The following ASIC2 variants were observed in gnomAD, a reference collection of about 807,000 sequenced individuals.
ASIC2 encodes the protein acid sensing ion channel subunit 2.
A neutral mutation model predicts 57.3 loss-of-function variants in ASIC2; 25 were observed. The ratio of observed to expected loss-of-function variants is 0.44; its 90% CI spans 0.32 to 0.61. The LOEUF (loss-of-function observed/expected upper bound fraction) is 0.61. ASIC2 is among the 20% of genes least tolerant of loss of function. The pLI is 0.06. For missense variants in ASIC2, 641 were observed against 738.1 expected, an observed-to-expected ratio of 0.87 and a Z score of 1.52; for synonymous variants, 319 against 307.5, an observed-to-expected ratio of 1.04 and a Z score of -0.39.
chr17:33,826,408 A>T (rs1039083794), intron 1 of ASIC2, among the ~76,000 whole-genome samples: 1 of 152,216 alleles, frequency 6.6e-6, no homozygotes, highest in African/African-American at 2.4e-5. Context: ...AATCAGGGCT[A>T]TAGCAACTCC....
chr17:33,666,523 C>T (rs150518009), intron 1 of ASIC2, among the ~76,000 whole-genome samples: 1 of 152,196 alleles, frequency 6.6e-6, no homozygotes, highest in African/African-American at 2.4e-5. Flanking sequence ...CCTCCTCCTG[C>T]CTGTCCAGGT....
chr17:33,277,893 T>C (rs1031988910), intron 1 of ASIC2, among the ~76,000 whole-genome samples: 3 of 152,226 alleles, frequency 2.0e-5, no homozygotes, highest in African/African-American at 4.8e-5. Flanking sequence ...TGTTCTTTCA[T>C]ACTGTGTGGG....
At chr17:33,102,177 T>C (rs949054865) in intron 2 of ASIC2, among the ~76,000 whole-genome samples, 1 of 152,220 alleles carries the variant, frequency 6.6e-6, no homozygotes, top group Non-Finnish European at 1.5e-5. Flanking sequence ...AATAACTTCC[T>C]GAAAAAGTCT....
intron 3 of ASIC2, among the ~76,000 whole-genome samples, chr17:33,068,571 A>C (rs62068316): frequency 0.18 from 28,001 of 152,176 alleles, 2,673 homozygotes; most frequent in Non-Finnish European, 0.2. Context: ...AAACAAACCC[A>C]AAATAAGTGA....
At chr17:33,402,375 C>T (rs1006988724) in intron 1 of ASIC2, among the ~76,000 whole-genome samples, 1 of 152,064 alleles carries the variant, frequency 6.6e-6, no homozygotes, top group Non-Finnish European at 1.5e-5. Flanking sequence ...TTTGCTGCAC[C>T]TATCAACCCA....
chr17:34,099,487 G>T (rs910659333), intron 1 of ASIC2, among the ~76,000 whole-genome samples: 1 of 113,564 alleles, frequency 8.8e-6, no homozygotes, highest in African/African-American at 3.5e-5. Context: ...GAAGGAAGGA[G>T]GGAAAAGAAG....
intron 2 of ASIC2, among the ~76,000 whole-genome samples, chr17:33,101,339 A>G (rs1245645859): frequency 6.6e-6 from 1 of 152,196 alleles, no homozygotes; most frequent in Non-Finnish European, 1.5e-5. Flanking sequence ...AAATTTAATT[A>G]TTATTTTTAT....
At chr17:33,593,338 T>C (rs1034800179) in intron 1 of ASIC2, among the ~76,000 whole-genome samples, 1 of 151,820 alleles carries the variant, frequency 6.6e-6, no homozygotes, top group African/African-American at 2.4e-5. Flanking sequence ...GGGCACTTGA[T>C]TGTCTCTCTG....
chr17:33,491,317 G>A (rs574472016), intron 1 of ASIC2, among the ~76,000 whole-genome samples: 1 of 152,110 alleles, frequency 6.6e-6, no homozygotes, highest in Non-Finnish European at 1.5e-5. Flanking sequence ...ATGATGCTGG[G>A]CACCCAGGCC....
chr17:33,067,439 G>A (rs113148254), intron 3 of ASIC2, among the ~76,000 whole-genome samples: 2,882 of 152,256 alleles, frequency 0.019, 80 homozygotes, highest in African/African-American at 0.065. Flanking sequence ...AGCTAGAGGA[G>A]ATGGAATTCT....
chr17:33,915,489 A>T (rs1169021812), intron 1 of ASIC2, among the ~76,000 whole-genome samples: 1 of 152,104 alleles, frequency 6.6e-6, no homozygotes, highest in Non-Finnish European at 1.5e-5. Flanking sequence ...CAGCTTTCAG[A>T]CATGTTCAGA....
At chr17:33,721,450 C>T (rs1597849425) in intron 1 of ASIC2, among the ~76,000 whole-genome samples, 1 of 152,336 alleles carries the variant, frequency 6.6e-6, no homozygotes, top group South Asian at 2.1e-4. Flanking sequence ...TCTCCATGTT[C>T]TCTTCCCCTG....
At chr17:34,155,761 C>G in intron 1 of ASIC2, 1 of 561,448 alleles carries the variant, frequency 1.8e-6, no homozygotes, top group Non-Finnish European at 3.1e-6. Context: ...CCCACTCACC[C>G]TCCATATTTG....
chr17:34,115,078 C>T (rs1288804751), intron 1 of ASIC2, among the ~76,000 whole-genome samples: 2 of 152,164 alleles, frequency 1.3e-5, no homozygotes, highest in African/African-American at 4.8e-5. Flanking sequence ...TTCTTTAGAG[C>T]CAACTCCATT....
intron 1 of ASIC2, among the ~76,000 whole-genome samples, chr17:34,090,911 G>A (rs181813008): frequency 1.2e-4 from 18 of 152,302 alleles, no homozygotes; most frequent in Non-Finnish European, 2.6e-4. Flanking sequence ...AGGCTCACCT[G>A]GGAGGAGCTA....
At chr17:33,550,918 G>A (rs1290363141) in intron 1 of ASIC2, among the ~76,000 whole-genome samples, 1 of 152,172 alleles carries the variant, frequency 6.6e-6, no homozygotes, top group Non-Finnish European at 1.5e-5. Context: ...ACTGACCTGT[G>A]AATTGTAGTG....
chr17:33,103,715 G>T (rs1389133825), intron 2 of ASIC2, among the ~76,000 whole-genome samples: 2 of 152,098 alleles, frequency 1.3e-5, no homozygotes, highest in Non-Finnish European at 2.9e-5. Context: ...TTCTGCTCAG[G>T]TGTGGGTGGG....
intron 1 of ASIC2, among the ~76,000 whole-genome samples, chr17:33,542,823 T>G (rs1469096055): frequency 2.0e-5 from 3 of 148,260 alleles, no homozygotes; most frequent in Non-Finnish European, 3.0e-5. Flanking sequence ...TCCTTGCCCA[T>G]GCCTATGTCC....
chr17:34,039,129 C>T (rs960516618), intron 1 of ASIC2: 10 of 1,613,924 alleles, frequency 6.2e-6, no homozygotes, highest in Non-Finnish European at 8.5e-6. Flanking sequence ...GTTCATCAAT[C>T]TGCCGTCTCA....
Sources: allele counts gnomAD v4.1 joint callset (sites outside exome capture counted in the v4.1 genomes callset), GRCh38; gene constraint gnomAD v4.1.1; transcripts MANE v1.5; gene names NCBI Gene and HGNC (gene_info 2026-07-23, HGNC 2026-07-21).